KIRREL3: variants seen among roughly 807,000 people sequenced by gnomAD.
The protein encoded by KIRREL3 is kirre like nephrin family adhesion molecule 3.
A neutral mutation model predicts 89.7 loss-of-function variants in KIRREL3; 36 were observed. That is an observed-to-expected ratio of 0.40 (90% CI 0.31 to 0.53). The LOEUF is 0.53. KIRREL3 is among the 20% of genes least tolerant of loss of function. The pLI, the probability that KIRREL3 is intolerant of heterozygous loss-of-function variation, is 0.49. For missense variants in KIRREL3, 864 were observed against 1,056.6 expected (o/e 0.82, Z 2.53); for synonymous variants, 445 against 441.4 (o/e 1.01, Z -0.10).
intron 1 of KIRREL3, among the ~76,000 whole-genome samples, chr11:126,701,672 G>A (rs1055264436): frequency 2.6e-5 from 4 of 152,104 alleles, no homozygotes; most frequent in Admixed American, 6.5e-5. Context: ...AGGGAGCGAG[G>A]AGGTCAGAGG....
intron 1 of KIRREL3, among the ~76,000 whole-genome samples, chr11:126,832,731 G>A (rs1943651161): frequency 6.6e-6 from 1 of 152,320 alleles, no homozygotes. Context: ...CATAGATTTT[G>A]AAAGGGTCAG....
intron 9 of KIRREL3, among the ~76,000 whole-genome samples, chr11:126,445,725 C>T (rs1955764543): frequency 6.6e-6 from 1 of 152,208 alleles, no homozygotes. Context: ...GCGTCTGCTA[C>T]ATAACAGGCC....
chr11:126,499,860 T>G (rs1050429870), intron 4 of KIRREL3, among the ~76,000 whole-genome samples: 1 of 152,218 alleles, frequency 6.6e-6, no homozygotes, highest in African/African-American at 2.4e-5. Context: ...AGGGCTTCTT[T>G]TATCCTGCCT....
In KIRREL3 at chr11:126,544,701, T is replaced by C. The variant is rs1485571475; in HGVS notation, c.134-18014A>G. Among the ~76,000 whole-genome samples the C allele has an allele frequency of 6.6e-6, 1 of 152,074 alleles. No individual in the cohort carries two copies. The highest frequency in any genetic ancestry group is 2.4e-5 in the African/African-American group (1 of 41,384). ...GGGCTGCTTTTTGTATCTGGGCCAG[T>C]GGGTGGAGAGTGCAGGGAGCTGTCC... On this transcript the variant is annotated intron_variant, in intron 2 of 16. Coordinates refer to ENST00000525144, the MANE Select transcript of KIRREL3 (RefSeq NM_032531.4). This position sits in a 1 kb window ranked among gnomAD's most constrained non-coding sequence, Gnocchi z 5.6.
chr11:126,700,100 A>G (rs2135161013), intron 1 of KIRREL3, among the ~76,000 whole-genome samples: 1 of 152,196 alleles, frequency 6.6e-6, no homozygotes, highest in East Asian at 1.9e-4. Context: ...AGGTTGAGGC[A>G]GGAGGATGGC....
At chr11:126,950,654 G>A (rs1948750821) in intron 1 of KIRREL3, among the ~76,000 whole-genome samples, 1 of 152,136 alleles carries the variant, frequency 6.6e-6, no homozygotes, top group Non-Finnish European at 1.5e-5. Context: ...TCCTTAATGT[G>A]GATGCCTTCA....
At position 126,896,335 on chromosome 11, in the gene KIRREL3, C is replaced by T. The variant is rs578152981; in HGVS notation, c.55+104120G>A. On this transcript the variant is annotated intron_variant, in intron 1 of 16. Coordinates refer to ENST00000525144, the MANE Select transcript of KIRREL3 (RefSeq NM_032531.4). The surrounding 1 kb of genome is among the most constrained non-coding windows in gnomAD (Gnocchi z 4.1). Reference sequence around the variant, plus strand: ...GGTCCATGAGAAATAGCAGCATCTCCCAGAAAACCTGAGCAGGTCAGGGGC... The same window carrying T: ...GGTCCATGAGAAATAGCAGCATCTCTCAGAAAACCTGAGCAGGTCAGGGGC... 2.0e-5 allele frequency among the ~76,000 whole-genome samples: 3 copies of T among 152,312 alleles called. No individual in the cohort carries two copies. In the South Asian group the frequency reaches 6.2e-4, roughly 32 times the overall value.
rs1286688626 is a variant in KIRREL3, at chr11:126,994,160, G to A, written c.55+6295C>T. On this transcript the variant is annotated intron_variant, in intron 1 of 16. Coordinates refer to ENST00000525144, the MANE Select transcript of KIRREL3 (RefSeq NM_032531.4). The surrounding 1 kb of genome is among the most constrained non-coding windows in gnomAD (Gnocchi z 5.2). Reference sequence around the variant, plus strand: ...CATTTGAGAAAAGTGGCTGATTCTGGAGATATCACACTGATTTAACATTAA... The same window carrying A: ...CATTTGAGAAAAGTGGCTGATTCTGAAGATATCACACTGATTTAACATTAA... 6.6e-6 allele frequency among the ~76,000 whole-genome samples: 1 copy of A among 152,132 alleles called. No individual in the cohort carries two copies. The highest frequency in any genetic ancestry group is 2.4e-5 in the African/African-American group (1 of 41,418).
chr11:126,504,289 T>C (rs1319345609), intron 4 of KIRREL3, among the ~76,000 whole-genome samples: 1 of 152,178 alleles, frequency 6.6e-6, no homozygotes, highest in African/African-American at 2.4e-5. Context: ...GCTCTTGTCT[T>C]CCCTTGTCCT....
chr11:126,767,308 G>C (rs1418358318), intron 1 of KIRREL3, among the ~76,000 whole-genome samples: 3 of 152,108 alleles, frequency 2.0e-5, no homozygotes, highest in Non-Finnish European at 4.4e-5. Context: ...AGCATGCTTG[G>C]GACAAGAGGC....
rs1331774200 is a variant in KIRREL3, at chr11:126,519,697, C to G, written c.433+1618G>C. Among the ~76,000 whole-genome samples, 1 of 152,132 alleles carries G rather than the reference C, an allele frequency of 6.6e-6. No individual in the cohort carries two copies. The highest frequency in any genetic ancestry group is 1.5e-5 in the Non-Finnish European group (1 of 68,032). On this transcript the variant is annotated intron_variant, in intron 4 of 16. Coordinates refer to ENST00000525144, the MANE Select transcript of KIRREL3 (RefSeq NM_032531.4). This position sits in a 1 kb window ranked among gnomAD's most constrained non-coding sequence, Gnocchi z 4.3. ...TCTTCTGAGGATGGAGGGGCTGAGC[C>G]ATCTCTGAAGATGAGGAGCCTACAA...
chr11:126,753,221 A>C lies in KIRREL3; in HGVS notation c.56-190309T>G, dbSNP rs144761608. 5.6e-3 allele frequency among the ~76,000 whole-genome samples: 859 copies of C among 152,294 alleles called. 14 individuals are homozygous for C. Among genetic ancestry groups the C allele is most frequent in the East Asian group, 0.021 (109 of 5,178 alleles). ...TTTGTTTGCCCGCTCCTTACACCAG[A>C]GGAGGCCTCACCACTCAAAGCAACC... On this transcript the variant is annotated intron_variant, in intron 1 of 16. Transcript: ENST00000525144.
At chr11:126,692,404 G>C (rs917311239) in intron 1 of KIRREL3, among the ~76,000 whole-genome samples, 3 of 151,784 alleles carry the variant, frequency 2.0e-5, no homozygotes, top group African/African-American at 7.3e-5. Context: ...AATTAGCTGG[G>C]TGTGGTGGCA....
intron 1 of KIRREL3, among the ~76,000 whole-genome samples, chr11:126,809,995 T>A (rs142855366): frequency 6.6e-6 from 1 of 152,196 alleles, no homozygotes. Flanking sequence ...TCGCCTCAGC[T>A]TGTTTCATGG....
chr11:126,554,707 A>G (rs1338646069), intron 2 of KIRREL3, among the ~76,000 whole-genome samples: 1 of 152,196 alleles, frequency 6.6e-6, no homozygotes, highest in Non-Finnish European at 1.5e-5. Flanking sequence ...TGTTATTAAC[A>G]CAAAATAACT....
intron 1 of KIRREL3, among the ~76,000 whole-genome samples, chr11:126,930,202 C>T (rs1947888945): frequency 6.6e-6 from 1 of 152,062 alleles, no homozygotes. Flanking sequence ...AGTACTGTAA[C>T]TCAGGGTTGT....
At chr11:126,648,292 G>C (rs990876592) in intron 1 of KIRREL3, among the ~76,000 whole-genome samples, 2 of 152,166 alleles carry the variant, frequency 1.3e-5, no homozygotes, top group Non-Finnish European at 2.9e-5. Context: ...AGTAATGAGA[G>C]AATGGATGAG....
At chr11:126,552,330 A>C (rs1591723495) in intron 2 of KIRREL3, among the ~76,000 whole-genome samples, 1 of 152,064 alleles carries the variant, frequency 6.6e-6, no homozygotes, top group South Asian at 2.1e-4. Context: ...AAACGAGTGG[A>C]CTATTCTTAC....
At chr11:126,793,789 G>C (rs1950719762) in intron 1 of KIRREL3, among the ~76,000 whole-genome samples, 1 of 152,250 alleles carries the variant, frequency 6.6e-6, no homozygotes, top group African/African-American at 2.4e-5. Flanking sequence ...GAGACACTCA[G>C]ATAAGGAACA....
Sources: gnomAD v4.1 joint callset for allele counts (sites outside exome capture counted in the v4.1 genomes callset) on GRCh38, gnomAD v4.1.1 for gene constraint, Gnocchi (gnomAD v3.1) non-coding constraint, MANE v1.5 for transcripts, NCBI Gene and HGNC (gene_info 2026-07-23, HGNC 2026-07-21) for gene names.